The following SLCO1B3 variants were observed in gnomAD, a reference collection of about 807,000 sequenced individuals.
SLCO1B3 encodes liver-specific organic anion transporter 2.
In SLCO1B3, 72 loss-of-function variants were observed where a neutral mutation model predicts 71.8. The ratio of observed to expected loss-of-function variants is 1.00; its 90% CI spans 0.83 to 1.22. SLCO1B3 has a LOEUF of 1.22. SLCO1B3 is among the 50% of genes most tolerant of loss of function. The pLI is 0.00. For missense variants in SLCO1B3, 911 were observed against 819.7 expected, an observed-to-expected ratio of 1.11 and a Z score of -1.36; for synonymous variants, 298 against 278.4, an observed-to-expected ratio of 1.07 and a Z score of -0.70.
At chr12:20,867,305 G>A (rs1457007188) in intron 8 of SLCO1B3, among the ~76,000 whole-genome samples, 1 of 152,078 alleles carries the variant, frequency 6.6e-6, no homozygotes, top group East Asian at 1.9e-4. Context: ...TCATTGTTAT[G>A]TAAAAAGCCA....
chr12:20,868,603 T>A (rs1313352008), intron 8 of SLCO1B3, among the ~76,000 whole-genome samples: 1 of 152,048 alleles, frequency 6.6e-6, no homozygotes, highest in Non-Finnish European at 1.5e-5. Flanking sequence ...CCCCACAGAT[T>A]TGGTGGGTCT....
intron 3 of SLCO1B3, among the ~76,000 whole-genome samples, chr12:20,823,080 TAGG>T (rs1360531415): frequency 2.0e-5 from 3 of 151,950 alleles, no homozygotes; most frequent in South Asian, 2.1e-4. Flanking sequence ...AAGAAAAAAA[TAGG>T]AGGAGGAAGA....
chr12:20,813,159 T>C (rs1378353444), intron 1 of SLCO1B3, among the ~76,000 whole-genome samples: 1 of 152,212 alleles, frequency 6.6e-6, no homozygotes, highest in Non-Finnish European at 1.5e-5. Flanking sequence ...TCTTCAGATA[T>C]TGATTTTTCC....
At chr12:20,866,432 C>G (rs1316271379) in intron 8 of SLCO1B3, among the ~76,000 whole-genome samples, 1 of 148,360 alleles carries the variant, frequency 6.7e-6, no homozygotes, top group East Asian at 2.0e-4. Context: ...TGCAAGATTG[C>G]TATCAGAAAG....
At chr12:20,880,614 T>A (rs1030404140) in intron 11 of SLCO1B3, among the ~76,000 whole-genome samples, 1 of 152,150 alleles carries the variant, frequency 6.6e-6, no homozygotes, top group Non-Finnish European at 1.5e-5. Context: ...TCATAAGTCA[T>A]GTCTTGGTAA....
intron 3 of SLCO1B3, among the ~76,000 whole-genome samples, chr12:20,835,264 C>T (rs1864654383): frequency 6.6e-6 from 1 of 152,180 alleles, no homozygotes; most frequent in Non-Finnish European, 1.5e-5. Flanking sequence ...GGCGTGGCTG[C>T]TCCCAAGGTC....
intron 3 of SLCO1B3, among the ~76,000 whole-genome samples, chr12:20,852,130 G>A (rs1013886358): frequency 3.3e-5 from 5 of 152,090 alleles, no homozygotes; most frequent in East Asian, 1.9e-4. Flanking sequence ...TTTTGGCTAC[G>A]CAGGGTGCCT....
rs748299846 is a variant in SLCO1B3 at position 20,916,279 on chromosome 12, G to T, written c.*32G>T. On this transcript the variant is annotated 3_prime_UTR_variant, in exon 16 of 16. Transcript: ENST00000381545. ...ATTGATTCATTAAGATGTTATTTTT[G>T]AGGTGTTCCTGGTCTTTCACTGACA... is the stretch of plus-strand genomic sequence containing the variant. The T allele has an allele frequency of 6.3e-7, 1 of 1,597,116 alleles. No individual in the cohort carries two copies. Among genetic ancestry groups the T allele is most frequent in the Non-Finnish European group, 8.5e-7 (1 of 1,170,196 alleles).
intron 13 of SLCO1B3, among the ~76,000 whole-genome samples, chr12:20,885,695 C>T (rs894173883): frequency 6.6e-6 from 1 of 151,482 alleles, no homozygotes; most frequent in Non-Finnish European, 1.5e-5. Context: ...AGACAAAGGC[C>T]CTTGGGTGGA....
chr12:20,832,337 T>G (rs1310894868), intron 3 of SLCO1B3, among the ~76,000 whole-genome samples: 2 of 152,182 alleles, frequency 1.3e-5, no homozygotes, highest in African/African-American at 4.8e-5. Context: ...TTTTCTACCA[T>G]TATTTGATTA....
At position 20,868,175 on chromosome 12, in the gene SLCO1B3, A is replaced by G. The variant is rs367983233; in HGVS notation, c.727+5321A>G. ...TTGGTAAGAATTCTGGCCAACTATT[A>G]GTGCTAAAAAAGCACTTGATAAAAT... On this transcript the variant is annotated intron_variant, in intron 8 of 15. Coordinates refer to ENST00000381545, the MANE Select transcript of SLCO1B3 (RefSeq NM_019844.4). Among the ~76,000 whole-genome samples the G allele has an allele frequency of 1.3e-4, 20 of 152,358 alleles. No individual in the cohort carries two copies. The East Asian group carries it at 3.9e-3, about 29-fold the overall frequency.
intron 8 of SLCO1B3, among the ~76,000 whole-genome samples, chr12:20,871,732 G>T (rs1865478004): frequency 1.3e-5 from 2 of 152,074 alleles, no homozygotes; most frequent in African/African-American, 2.4e-5. Context: ...ATGTAGTCTT[G>T]CTCTTTCTGT....
intron 8 of SLCO1B3, among the ~76,000 whole-genome samples, chr12:20,864,317 T>A (rs1401160605): frequency 6.6e-6 from 1 of 151,840 alleles, no homozygotes; most frequent in Non-Finnish European, 1.5e-5. Context: ...CACCATCTCT[T>A]TGAGAACATG....
intron 3 of SLCO1B3, among the ~76,000 whole-genome samples, chr12:20,817,966 G>T (rs1864222011): frequency 6.6e-6 from 1 of 152,126 alleles, no homozygotes; most frequent in South Asian, 2.1e-4. Context: ...TGGAGAAACG[G>T]TGTAAACCAG....
chr12:20,847,219 TAA>T (rs11410978), intron 3 of SLCO1B3, among the ~76,000 whole-genome samples: 21 of 150,708 alleles, frequency 1.4e-4, no homozygotes, highest in African/African-American at 2.4e-4. Flanking sequence ...GTGGAAGAAT[TAA>T]AAAAAAAATA....
Position 20,877,913 on chromosome 12 carries a change from C to T in SLCO1B3, c.1112C>T (p.Ala371Val). The T allele has an allele frequency of 6.3e-7, 1 of 1,590,682 alleles. No homozygotes were observed. Among genetic ancestry groups the T allele is most frequent in the Non-Finnish European group, 8.5e-7 (1 of 1,170,966 alleles). ...ATGGAGCAACAGTACGGTCAGTCTG[C>T]ATCTCATGCTAACTTTTTGTTGGGT... is the stretch of plus-strand genomic sequence containing the variant. ...KYMEQQYGQS[A>V]SHANFLLGII... Residue 371 changes from alanine (A) to valine (V), a missense_variant, in exon 10 of 16, where the codon GCA (alanine) becomes GTA (valine). Coordinates refer to ENST00000381545, the MANE Select transcript of SLCO1B3 (RefSeq NM_019844.4).
At chr12:20,869,233 C>T (rs1308503500) in intron 8 of SLCO1B3, among the ~76,000 whole-genome samples, 6 of 152,148 alleles carry the variant, frequency 3.9e-5, no homozygotes, top group Non-Finnish European at 8.8e-5. Context: ...TGGCAATGGG[C>T]GTCTTCCCAG....
intron 8 of SLCO1B3, 97 bp downstream of exon 8, chr12:20,862,951 T>C: frequency 1.7e-6 from 1 of 599,138 alleles, no homozygotes; most frequent in Non-Finnish European, 2.8e-6. Flanking sequence ...TAGTTCTTTG[T>C]TTACTATTTT....
intron 3 of SLCO1B3, among the ~76,000 whole-genome samples, chr12:20,844,706 G>T (rs1864874357): frequency 6.6e-6 from 1 of 151,740 alleles, no homozygotes; most frequent in African/African-American, 2.4e-5. Context: ...ACTGTGGTCT[G>T]AAAAAAATAG....
Sources: allele counts gnomAD v4.1 joint callset (sites outside exome capture counted in the v4.1 genomes callset), GRCh38; gene constraint gnomAD v4.1.1; transcripts MANE v1.5; gene names NCBI Gene and HGNC (gene_info 2026-07-23, HGNC 2026-07-21).